The following PSD variants were observed in gnomAD, a reference collection of about 807,000 sequenced individuals.
PSD encodes the protein pleckstrin and Sec7 domain containing, also known as PH and SEC7 domain-containing protein 1.
PSD carries 32 observed loss-of-function variants against 91.6 expected under a neutral mutation model. That is an observed-to-expected ratio of 0.35 (90% confidence interval 0.26 to 0.47). PSD has a LOEUF of 0.47. Ranked by LOEUF, PSD falls within the 20% of genes least tolerant of loss-of-function variation. PSD has a pLI of 1.00. For synonymous variants in PSD, 532 were observed against 569.3 expected (o/e 0.93, Z 0.93); for missense variants, 1,099 against 1,373.9 (o/e 0.80, Z 3.16).
Position 102,416,872 on chromosome 10 carries a change from C to T in PSD, c.167G>A (p.Arg56Gln), listed in dbSNP as rs145555113. The change falls in exon 2 of 17, where the codon CGA (arginine) becomes CAA (glutamine). Residue 56 changes from arginine to glutamine, a missense_variant. Physicochemically the swap from Arg to Gln is conservative, Grantham distance 43. Around this residue, in one of 3 missense-constraint regions of PSD, gnomAD observed 631 missense variants for 728.8 expected, o/e 0.87. Coordinates refer to ENST00000020673, the MANE Select transcript of PSD (RefSeq NM_002779.5). This position sits in a 1 kb window ranked among gnomAD's most constrained non-coding sequence, Gnocchi z 6.0. ...LLRRVAGPGP[R>Q]GRELGRVTAP... ...TGTCACACGTCCCAGTTCCCGGCCT[C>T]GAGGACCTGGACCTGCCACTCGCCG... 5.0e-6 allele frequency: 8 copies of T among 1,599,978 alleles called. No homozygotes were observed. Among genetic ancestry groups the T allele is most frequent in the East Asian group, 2.2e-5 (1 of 44,822 alleles).
chr10:102,406,724 C>T (rs1472423102), intron 11 of PSD, among the ~76,000 whole-genome samples: 2 of 152,214 alleles, frequency 1.3e-5, no homozygotes, highest in Non-Finnish European at 2.9e-5. Flanking sequence ...CCAGGATGGT[C>T]TTGATCTCCT....
chr10:102,404,888 G>C lies in PSD; in HGVS notation c.2555+10C>G. On this transcript the variant is annotated intron_variant, in intron 14 of 16. Transcript: ENST00000020673. This position sits in a 1 kb window ranked among gnomAD's most constrained non-coding sequence, Gnocchi z 5.7. ...AAGGGGTCCGGGATGGGCAGGAGGAGGGCACTCACGGGGCCTGGAAGAGGA... is the reference window on the plus strand; with the variant it reads ...AAGGGGTCCGGGATGGGCAGGAGGACGGCACTCACGGGGCCTGGAAGAGGA... 6.2e-7 allele frequency: 1 copy of C among 1,611,732 alleles called. No homozygotes were observed. The highest frequency in any genetic ancestry group is 8.5e-7 in the Non-Finnish European group (1 of 1,178,928).
chr10:102,403,128 C>T lies in PSD; in HGVS notation c.*72G>A. On this transcript the variant is annotated 3_prime_UTR_variant, in exon 17 of 17. Coordinates refer to ENST00000020673, the MANE Select transcript of PSD (RefSeq NM_002779.5). The surrounding 1 kb of genome is among the most constrained non-coding windows in gnomAD (Gnocchi z 6.7). ...GGAGGCCCTCGTGGGTGGCCCGAGG[C>T]CGGCCCGGGCTCAGGCAGGGCCATG... The T allele has an allele frequency of 7.8e-7, 1 of 1,281,366 alleles. No individual in the cohort carries two copies. The highest frequency in any genetic ancestry group is 1.0e-6 in the Non-Finnish European group (1 of 969,858). 79.4% of individuals were successfully genotyped at this position (1,281,366 alleles called of 1,614,324 possible).
At position 102,404,006 on chromosome 10, in the gene PSD, T is replaced by A. The variant is rs1274634448; in HGVS notation, c.2701-21A>T. ...TCCTCCTAGCGGCCAGGGGGAGGCATGGTCATGGTCACTCTGCCCTATACA... is the reference window on the plus strand; with the variant it reads ...TCCTCCTAGCGGCCAGGGGGAGGCAAGGTCATGGTCACTCTGCCCTATACA... On this transcript the variant is annotated intron_variant, in intron 15 of 16. Coordinates refer to ENST00000020673, the MANE Select transcript of PSD (RefSeq NM_002779.5). This position sits in a 1 kb window ranked among gnomAD's most constrained non-coding sequence, Gnocchi z 5.7. 8 of 1,538,580 alleles carry A rather than the reference T, an allele frequency of 5.2e-6. No homozygotes were observed. Among genetic ancestry groups the A allele is most frequent in the Non-Finnish European group, 7.0e-6 (8 of 1,145,012 alleles).
chr10:102,405,810 T>C lies in PSD; in HGVS notation c.2136-274A>G, dbSNP rs983232878. 2.2e-5 allele frequency: 9 copies of C among 413,730 alleles called. No homozygotes were observed. Among genetic ancestry groups the C allele is most frequent in the African/African-American group, 1.2e-4 (6 of 50,514 alleles). 25.6% of individuals were successfully genotyped at this position (413,730 alleles called of 1,614,324 possible). A position where few individuals can be genotyped will look rare whatever the true frequency, so the allele number is the denominator to read the frequency against. On this transcript the variant is annotated intron_variant, in intron 11 of 16. Transcript: ENST00000020673. The surrounding 1 kb of genome is among the most constrained non-coding windows in gnomAD (Gnocchi z 5.4). ...GGGCCAGCACTATCCTCTCCATTGCTGCACACCTGCAGCCCTCACACCCTT... is the reference window on the plus strand; with the variant it reads ...GGGCCAGCACTATCCTCTCCATTGCCGCACACCTGCAGCCCTCACACCCTT...
At position 102,416,920 on chromosome 10, in the gene PSD, T is replaced by G; in HGVS notation, c.119A>C (p.Tyr40Ser). The change falls in exon 2 of 17, where the codon TAT (tyrosine) becomes TCT (serine). Residue 40 changes from tyrosine to serine, a missense_variant. By Grantham distance (144) the Tyr-to-Ser change is moderately radical. Transcript: ENST00000020673. This position sits in a 1 kb window ranked among gnomAD's most constrained non-coding sequence, Gnocchi z 6.0. ...CCGTAGCAAGGAGCCTGTGCTGCCA[T>G]ACATGCTGGCTGGGGGGCTCTGGGG... is the stretch of plus-strand genomic sequence containing the variant. ...PVPQSPPASM[Y>S]GSTGSLLRRV... 1 of 1,606,996 alleles carries G rather than the reference T, an allele frequency of 6.2e-7. No individual in the cohort carries two copies. Among genetic ancestry groups the G allele is most frequent in the Non-Finnish European group, 8.5e-7 (1 of 1,179,290 alleles).
At chr10:102,411,955 T>TC in intron 7 of PSD, 136 bp from the exon 8 acceptor site, 1 of 903,620 alleles carries the variant, frequency 1.1e-6, no homozygotes, top group South Asian at 1.4e-5. Context: ...GTATGCACCC[T>TC]GACCCTCCAC....
intron 9 of PSD, 27 bp downstream of exon 9, chr10:102,411,031 G>A (rs1033397795): frequency 2.5e-6 from 4 of 1,612,946 alleles, no homozygotes; most frequent in Non-Finnish European, 3.4e-6. Flanking sequence ...TTTGTTTTCC[G>A]GCTCCTGCCC....
rs1410109385 is a variant in PSD at position 102,405,218 on chromosome 10, C to T, written c.2362G>A (p.Gly788Arg). Residue 788 changes from glycine to arginine, a missense_variant, in exon 13 of 17, where the codon GGG (glycine) becomes AGG (arginine). This residue lies in a region of PSD where 358 missense variants were observed against 426.5 expected (regional missense o/e 0.84). Coordinates refer to ENST00000020673, the MANE Select transcript of PSD (RefSeq NM_002779.5). This position sits in a 1 kb window ranked among gnomAD's most constrained non-coding sequence, Gnocchi z 5.4. ...RGKRGWKSFH[G>R]ILKGMILYLQ... Reference sequence around the variant, plus strand: ...TAGAGGATCATGCCCTTGAGGATCCCGTGGAAGCTCTTCCAGCCCCGCTTG... The same window carrying T: ...TAGAGGATCATGCCCTTGAGGATCCTGTGGAAGCTCTTCCAGCCCCGCTTG... 4.3e-6 allele frequency: 7 copies of T among 1,610,944 alleles called. No individual in the cohort carries two copies. Among genetic ancestry groups the T allele is most frequent in the Non-Finnish European group, 4.2e-6 (5 of 1,179,856 alleles).
Position 102,416,200 on chromosome 10 carries a change from A to AT in PSD, c.655-82dup. The AT allele has an allele frequency of 7.9e-7, 1 of 1,267,460 alleles. No individual in the cohort carries two copies. 78.5% of individuals were successfully genotyped at this position (1,267,460 alleles called of 1,614,324 possible). A position where few individuals can be genotyped will look rare whatever the true frequency, so the allele number is the denominator to read the frequency against. ...ACAAGAATATGGGACAGAAACAGAA[A>AT]TTAAAACATGCATCGACAGAGATGG... On this transcript the variant is annotated intron_variant, in intron 2 of 16. Coordinates refer to ENST00000020673, the MANE Select transcript of PSD (RefSeq NM_002779.5). This position sits in a 1 kb window ranked among gnomAD's most constrained non-coding sequence, Gnocchi z 6.0.
upstream of PSD, chr10:102,418,872 TCCCAGGG>T: frequency 3.6e-6 from 1 of 275,670 alleles, no homozygotes; most frequent in Non-Finnish European, 7.2e-6. Flanking sequence ...CCCCGCCCTC[TCCCAGGG>T]CCCAGAGCCC....
In PSD at chr10:102,405,491, G is replaced by A. The variant is rs2061350443; in HGVS notation, c.2181C>T (p.Pro727=). 15 of 1,613,990 alleles carry A rather than the reference G, an allele frequency of 9.3e-6. No homozygotes were observed. The highest frequency in any genetic ancestry group is 1.2e-5 in the Non-Finnish European group (14 of 1,179,986). ...LRRSLSELAD[P]NPKVIKRISG... ...TGATCCGCTTGATGACCTTGGGGTT[G>A]GGGTCGGCCAACTCAGACAGAGAGC... Residue 727 remains proline (P), a synonymous_variant, in exon 12 of 17, where the codon CCC becomes CCT. Transcript: ENST00000020673. The surrounding 1 kb of genome is among the most constrained non-coding windows in gnomAD (Gnocchi z 5.4).
At chr10:102,411,626 G>T in intron 8 of PSD, 81 bp downstream of exon 8, 1 of 1,018,030 alleles carries the variant, frequency 9.8e-7, no homozygotes. Context: ...ACACACTCAT[G>T]CTCCTGTACA....
chr10:102,407,305 A>G, intron 10 of PSD, 39 bp from the exon 11 acceptor site: 1 of 1,394,472 alleles, frequency 7.2e-7, no homozygotes, highest in Non-Finnish European at 9.7e-7. Context: ...GTTGTGGGTC[A>G]GTACCGCAGT....
chr10:102,407,279 G>C lies in PSD; in HGVS notation c.2092-13C>G. 1 of 1,567,694 alleles carries C rather than the reference G, an allele frequency of 6.4e-7. No individual in the cohort carries two copies. The highest frequency in any genetic ancestry group is 8.7e-7 in the Non-Finnish European group (1 of 1,155,406). On this transcript the variant is annotated splice_polypyrimidine_tract_variant and intron_variant, in intron 10 of 16. Transcript: ENST00000020673. ...AGCTGTACAAGGCCTGGGGGGTGGG[G>C]GGAACAAATTAGGGGGTTGTGGGTC...
At position 102,405,622 on chromosome 10, in the gene PSD, TC is replaced by T; in HGVS notation, c.2136-87del. 5.3e-6 allele frequency: 7 copies of T among 1,328,456 alleles called. No individual in the cohort carries two copies. In the East Asian group the frequency reaches 7.5e-5, roughly 14 times the overall value. 82.3% of individuals were successfully genotyped at this position (1,328,456 alleles called of 1,614,324 possible). ...TGGCCTCTGCTCGCCCTGGAAAAGC[TC>T]CCCCAGTGTTTGTGGCTTGGGGGGC... On this transcript the variant is annotated intron_variant, in intron 11 of 16. Coordinates refer to ENST00000020673, the MANE Select transcript of PSD (RefSeq NM_002779.5). This position sits in a 1 kb window ranked among gnomAD's most constrained non-coding sequence, Gnocchi z 5.4.
chr10:102,407,132 C>A (rs948182055), intron 11 of PSD, 91 bp downstream of exon 11: 48 of 1,222,266 alleles, frequency 3.9e-5, no homozygotes, highest in Non-Finnish European at 5.2e-5. Context: ...CCCCTACCCC[C>A]ACCCAGGGCC....
chr10:102,418,404 G>A (rs2061511240), intron 1 of PSD, among the ~76,000 whole-genome samples: 1 of 151,984 alleles, frequency 6.6e-6, no homozygotes, highest in Non-Finnish European at 1.5e-5. Flanking sequence ...TACACATACA[G>A]ATGTACACAT....
Position 102,405,488 on chromosome 10 carries a change from G to A in PSD, c.2184C>T (p.Asn728=). The A allele has an allele frequency of 1.2e-6, 2 of 1,614,018 alleles. No homozygotes were observed. Among genetic ancestry groups the A allele is most frequent in the South Asian group, 2.2e-5 (2 of 91,082 alleles). ...RRSLSELADP[N]PKVIKRISGG... is the part of the protein sequence containing the mutation. ...CGCTGATCCGCTTGATGACCTTGGGGTTGGGGTCGGCCAACTCAGACAGAG... is the reference window on the plus strand; with the variant it reads ...CGCTGATCCGCTTGATGACCTTGGGATTGGGGTCGGCCAACTCAGACAGAG... Residue 728 remains asparagine (N), a synonymous_variant, in exon 12 of 17, where the codon AAC becomes AAT. Coordinates refer to ENST00000020673, the MANE Select transcript of PSD (RefSeq NM_002779.5). This position sits in a 1 kb window ranked among gnomAD's most constrained non-coding sequence, Gnocchi z 5.4.
Sources: allele counts gnomAD v4.1 joint callset (sites outside exome capture counted in the v4.1 genomes callset), GRCh38; gene constraint gnomAD v4.1.1; regional missense constraint gnomAD v4.1.1; non-coding constraint Gnocchi (gnomAD v3.1); transcripts MANE v1.5; gene names NCBI Gene and HGNC (gene_info 2026-07-23, HGNC 2026-07-21).